Variants in SLC22A11 observed in about 807,000 individuals in gnomAD.
SLC22A11 encodes the protein organic anion transporter 4.
Under a neutral mutation model 49.4 loss-of-function variants are expected in SLC22A11, and 42 were observed. The ratio of observed to expected loss-of-function variants is 0.85; its 90% CI spans 0.66 to 1.10. The LOEUF is 1.10. Ranked by LOEUF, SLC22A11 falls within the 50% of genes least tolerant of loss-of-function variation. The pLI is 0.00. For missense variants in SLC22A11, 685 were observed against 731.6 expected (o/e 0.94, Z 0.74); for synonymous variants, 304 against 315.8 (o/e 0.96, Z 0.40).
At chr11:64,560,582 T>C (rs936503618) in intron 2 of SLC22A11, among the ~76,000 whole-genome samples, 6 of 152,158 alleles carry the variant, frequency 3.9e-5, no homozygotes, top group African/African-American at 1.4e-4. Flanking sequence ...ATGCTCTTCC[T>C]TGAGGAGGCC....
At chr11:64,561,911 C>T (rs1021221270) in intron 2 of SLC22A11, 93 bp from the exon 3 acceptor site, 73 of 1,419,710 alleles carry the variant, frequency 5.1e-5, no homozygotes, top group South Asian at 4.4e-4. Context: ...GATCCCCTGG[C>T]GTTGTTGAAC....
At chr11:64,568,028 T>C (rs1238216722) in intron 7 of SLC22A11, among the ~76,000 whole-genome samples, 2 of 152,196 alleles carry the variant, frequency 1.3e-5, no homozygotes, top group Non-Finnish European at 2.9e-5. Flanking sequence ...CGGCACGTCG[T>C]GCGGTGGCGG....
rs770894331 is a variant in SLC22A11 at position 64,556,335 on chromosome 11, G to A, written c.336G>A (p.Pro112=). The A allele has an allele frequency of 8.2e-5, 132 of 1,613,094 alleles. No individual in the cohort carries two copies. The highest frequency in any genetic ancestry group is 3.8e-4 in the Admixed American group (23 of 60,004). Residue 112 remains proline (P), a synonymous_variant, in exon 1 of 10, where the codon CCG becomes CCA. Coordinates refer to ENST00000301891, the MANE Select transcript of SLC22A11 (RefSeq NM_018484.4). ...GCTGGAGCGAAGCTGACACGGAGCC[G>A]TGTGTGGACGGCTGGGTCTATGACC... is the stretch of plus-strand genomic sequence containing the variant. ...ATSWSEADTE[P]CVDGWVYDRS... is the part of the protein sequence containing the mutation.
chr11:64,567,521 CCTGGTGGGAGGTG>C, intron 6 of SLC22A11, 65 bp from the exon 7 acceptor site: 9 of 1,390,908 alleles, frequency 6.5e-6, no homozygotes, highest in Non-Finnish European at 9.1e-6. Flanking sequence ...CCAGGCAGCT[CCTGGTGGGAGGTG>C]CTGTTGCTGT....
At position 64,569,868 on chromosome 11, in the gene SLC22A11, C is replaced by G. The variant is rs1373957653; in HGVS notation, c.1589+10C>G. The stretch of plus-strand genomic sequence containing the variant: ...AGGACCTGGAGAGCCAGTGAGTGAC[C>G]TGTGATCCCTGGGCATCGGGCTGGG... On this transcript the variant is annotated intron_variant, in intron 9 of 9. Transcript: ENST00000301891. 3 of 1,611,130 alleles carry G rather than the reference C, an allele frequency of 1.9e-6. No homozygotes were observed. The highest frequency in any genetic ancestry group is 1.3e-5 in the African/African-American group (1 of 74,918).
chr11:64,563,610 TAAAAAAAAAAAA>T (rs869085115), intron 4 of SLC22A11, among the ~76,000 whole-genome samples: 2 of 43,842 alleles, frequency 4.6e-5, no homozygotes, highest in South Asian at 1.2e-3. Context: ...TTAAATGTGC[TAAAAAAAAAAAA>T]AAAAAAAAAA....
intron 9 of SLC22A11, 90 bp from the exon 10 acceptor site, chr11:64,570,889 C>A (rs2038694601): frequency 2.4e-6 from 3 of 1,267,220 alleles, no homozygotes; most frequent in Non-Finnish European, 3.5e-6. Context: ...AGAGTTTACC[C>A]CCCAATAAGA....
intron 9 of SLC22A11, among the ~76,000 whole-genome samples, chr11:64,570,431 G>GA (rs2038687831): frequency 1.3e-5 from 2 of 152,244 alleles, no homozygotes; most frequent in Non-Finnish European, 1.5e-5. Context: ...ATGGTGTTTA[G>GA]AAAAAACAAA....
chr11:64,557,912 C>T (rs1182758887), intron 1 of SLC22A11, among the ~76,000 whole-genome samples: 3 of 151,938 alleles, frequency 2.0e-5, no homozygotes, highest in African/African-American at 7.3e-5. Context: ...ATTCTCCAGC[C>T]TCAGCCTCCC....
chr11:64,563,534 C>T (rs905336034), intron 4 of SLC22A11, among the ~76,000 whole-genome samples: 1 of 147,410 alleles, frequency 6.8e-6, no homozygotes, highest in Non-Finnish European at 1.5e-5. Context: ...CCTGGCCCAC[C>T]TGCCCCTGAG....
At chr11:64,559,348 C>T (rs980901695) in intron 2 of SLC22A11, 110 bp downstream of exon 2, 1 of 812,296 alleles carries the variant, frequency 1.2e-6, no homozygotes, top group Admixed American at 3.5e-5. Flanking sequence ...GCTTCCGTCT[C>T]CCTCCTGCCT....
intron 8 of SLC22A11, 27 bp from the exon 9 acceptor site, chr11:64,569,625 G>A (rs760941621): frequency 1.2e-6 from 2 of 1,604,770 alleles, no homozygotes; most frequent in Admixed American, 3.3e-5. Flanking sequence ...CTGTTACAGG[G>A]ATCTGGGCCC....
At chr11:64,568,858 C>T (rs2038665633) in intron 8 of SLC22A11, 80 bp downstream of exon 8, 2 of 1,343,972 alleles carry the variant, frequency 1.5e-6, no homozygotes, top group Non-Finnish European at 2.1e-6. Context: ...AAGGGTCTGG[C>T]AGCCAGGGAA....
intron 1 of SLC22A11, among the ~76,000 whole-genome samples, chr11:64,557,269 C>T (rs944046318): frequency 3.3e-5 from 5 of 152,234 alleles, no homozygotes; most frequent in African/African-American, 4.8e-5. Context: ...GCTGTCCCAG[C>T]GCACACAGCT....
chr11:64,559,019 C>G lies in SLC22A11; in HGVS notation c.394-116C>G, dbSNP rs575860014. 7.9e-4 allele frequency: 671 copies of G among 851,530 alleles called. 2 individuals are homozygous for G. The African/African-American group carries it at 9.9e-3, about 13-fold the overall frequency. The allele number at this position is 851,530 out of a possible 1,614,324, so 52.7% of individuals were successfully genotyped here. A position where few individuals can be genotyped will look rare whatever the true frequency, so the allele number is the denominator to read the frequency against. Reference sequence around the variant, plus strand: ...CATGGCCAGCAGGTCCTCTCTACCTCTGTGACCTGGCACTGGGAGTCCAGG... The same window carrying G: ...CATGGCCAGCAGGTCCTCTCTACCTGTGTGACCTGGCACTGGGAGTCCAGG... On this transcript the variant is annotated intron_variant, in intron 1 of 9. Transcript: ENST00000301891.
At chr11:64,561,094 A>G (rs897996795) in intron 2 of SLC22A11, among the ~76,000 whole-genome samples, 6 of 152,202 alleles carry the variant, frequency 3.9e-5, no homozygotes, top group Non-Finnish European at 5.9e-5. Flanking sequence ...TCTGAGCAGA[A>G]CGGGCTTGAG....
At position 64,571,013 on chromosome 11, in the gene SLC22A11, G is replaced by A. The variant is rs145855812; in HGVS notation, c.1624G>A (p.Ala542Thr). 148 of 1,614,246 alleles carry A rather than the reference G, an allele frequency of 9.2e-5. 1 individual carries two copies. In the African/African-American group the frequency reaches 1.9e-3, roughly 20 times the overall value. ...STAAQGNRQE[A>T]VTVESTSL ...AGCAGCCCAGGGCAACCGGCAAGAG[G>A]CCGTCACTGTGGAAAGTACCTCGCT... The change falls in exon 10 of 10, where the codon GCC becomes ACC. Residue 542 changes from alanine (A) to threonine (T), a missense_variant. Physicochemically the swap from Ala to Thr is moderately conservative, Grantham distance 58. Coordinates refer to ENST00000301891, the MANE Select transcript of SLC22A11 (RefSeq NM_018484.4).
At position 64,572,383 on chromosome 11, in the gene SLC22A11, AG is replaced by A. The variant is rs2038715813; in HGVS notation, c.*1343del. 6.6e-6 allele frequency: 1 copy of A among 152,258 alleles called. No homozygotes were observed. Among genetic ancestry groups the A allele is most frequent in the African/African-American group, 2.4e-5 (1 of 41,430 alleles). 9.4% of individuals were successfully genotyped at this position (152,258 alleles called of 1,614,324 possible). On this transcript the variant is annotated 3_prime_UTR_variant, in exon 10 of 10. Transcript: ENST00000301891. ...AGCCCAGGGCTCTTTCCAGCACAGG[AG>A]GCTCCTAGCCCTCGTCTCCAACCCT...
In SLC22A11 at chr11:64,565,311, G is replaced by A. The variant is rs2038608569; in HGVS notation, c.1032G>A (p.Trp344Ter). The change falls in exon 6 of 10, where the codon TGG (tryptophan) becomes TGA (stop). Residue 344 changes from tryptophan to a stop codon, truncating the protein, a stop_gained. Coordinates refer to ENST00000301891, the MANE Select transcript of SLC22A11 (RefSeq NM_018484.4). LOFTEE classifies it high-confidence loss of function. The surrounding 1 kb of genome is among the most constrained non-coding windows in gnomAD (Gnocchi z 4.1). ...TGTTCTGCGTGCCCGTGCTCCGCTG[G>A]AGGAGCTGCGCCATGCTGGTGGTGA... ...LDLFCVPVLRWRSCAMLVVNF... is the reference protein window; with the variant it reads ...LDLFCVPVLR 6.5e-7 allele frequency: 1 copy of A among 1,550,190 alleles called. No homozygotes were observed. The highest frequency in any genetic ancestry group is 2.0e-5 in the Admixed American group (1 of 51,072).
Sources: gnomAD v4.1 joint callset for allele counts (sites outside exome capture counted in the v4.1 genomes callset) on GRCh38, gnomAD v4.1.1 for gene constraint, Gnocchi (gnomAD v3.1) non-coding constraint, MANE v1.5 for transcripts, NCBI Gene and HGNC (gene_info 2026-07-23, HGNC 2026-07-21) for gene names.